Variants in PPFIA2 observed in about 807,000 individuals in gnomAD.
The protein encoded by PPFIA2 is liprin-alpha-2.
In PPFIA2, 46 loss-of-function variants were observed where a neutral mutation model predicts 175.5. The ratio of observed to expected loss-of-function variants is 0.26; its 90% CI spans 0.21 to 0.34. The LOEUF (loss-of-function observed/expected upper bound fraction) is 0.34. PPFIA2 is among the 10% of genes least tolerant of loss of function. The pLI, the probability that PPFIA2 is intolerant of heterozygous loss-of-function variation, is 1.00. For synonymous variants in PPFIA2, 568 were observed against 511.4 expected, an observed-to-expected ratio of 1.11 and a Z score of -1.49; for missense variants, 1,179 against 1,506.1, an observed-to-expected ratio of 0.78 and a Z score of 3.60.
chr12:81,602,399 T>G (rs2059886772), intron 4 of PPFIA2, among the ~76,000 whole-genome samples: 1 of 151,848 alleles, frequency 6.6e-6, no homozygotes. Context: ...AGATTTATTG[T>G]TGAGAAACTC....
intron 4 of PPFIA2, among the ~76,000 whole-genome samples, chr12:81,540,610 G>A (rs1260630297): frequency 1.3e-5 from 2 of 151,950 alleles, no homozygotes; most frequent in African/African-American, 2.4e-5. Context: ...CTCTTTAGGA[G>A]TTTAAAAAAT....
At chr12:81,678,502 T>C (rs1394704509) in intron 3 of PPFIA2, among the ~76,000 whole-genome samples, 2 of 151,894 alleles carry the variant, frequency 1.3e-5, no homozygotes, top group Non-Finnish European at 2.9e-5. Flanking sequence ...AATTTATTCA[T>C]GCATAGTCTA....
chr12:81,313,152 G>A (rs184821858), intron 22 of PPFIA2, among the ~76,000 whole-genome samples: 1 of 152,170 alleles, frequency 6.6e-6, no homozygotes, highest in East Asian at 1.9e-4. Context: ...TAGAGGCATT[G>A]AGAAAATATG....
At chr12:81,441,734 G>T (rs1473264137) in intron 6 of PPFIA2, among the ~76,000 whole-genome samples, 1 of 151,960 alleles carries the variant, frequency 6.6e-6, no homozygotes, top group East Asian at 1.9e-4. Flanking sequence ...TTCAACAGAC[G>T]TGTGATGTTT....
rs188006207 is a variant in PPFIA2 at position 81,724,087 on chromosome 12, G to C, written c.249+29886C>G. On this transcript the variant is annotated intron_variant, in intron 3 of 32. Coordinates refer to ENST00000549396, the MANE Select transcript of PPFIA2 (RefSeq NM_003625.5). ...AATATTCCCAATCATCTTTTGGCTT[G>C]GTTACAATGCTCTATCTCTAAATGT... Among the ~76,000 whole-genome samples the C allele has an allele frequency of 2.4e-3, 358 of 150,836 alleles. 2 individuals are homozygous for C. Among genetic ancestry groups the C allele is most frequent in the African/African-American group, 8.4e-3 (347 of 41,364 alleles).
intron 8 of PPFIA2, among the ~76,000 whole-genome samples, chr12:81,387,730 C>A (rs1257738534): frequency 6.6e-6 from 1 of 152,030 alleles, no homozygotes; most frequent in Non-Finnish European, 1.5e-5. Context: ...GTTATCATAC[C>A]TCAGTTATCT....
intron 3 of PPFIA2, among the ~76,000 whole-genome samples, chr12:81,744,696 G>C (rs536139074): frequency 6.6e-6 from 1 of 152,278 alleles, no homozygotes; most frequent in South Asian, 2.1e-4. Context: ...AAAGTGCTGG[G>C]ATTACAGGCA....
At chr12:81,502,001 A>G (rs556432771) in intron 4 of PPFIA2, among the ~76,000 whole-genome samples, 2 of 152,272 alleles carry the variant, frequency 1.3e-5, no homozygotes, top group African/African-American at 2.4e-5. Flanking sequence ...AGAAAAAGGG[A>G]CGTGCAGTTT....
intron 8 of PPFIA2, among the ~76,000 whole-genome samples, chr12:81,395,791 C>T (rs931209164): frequency 6.6e-6 from 1 of 152,034 alleles, no homozygotes; most frequent in Non-Finnish European, 1.5e-5. Flanking sequence ...CCTGCACAGT[C>T]TTTCCCCTTA....
At chr12:81,263,476 T>G (rs1438728733) in intron 30 of PPFIA2, 86 bp from the exon 31 acceptor site, 2 of 1,188,184 alleles carry the variant, frequency 1.7e-6, no homozygotes, top group East Asian at 4.8e-5. Flanking sequence ...ACATGTAACA[T>G]AGATTATTTA....
intron 7 of PPFIA2, among the ~76,000 whole-genome samples, chr12:81,423,866 T>A (rs978441559): frequency 6.6e-6 from 1 of 152,134 alleles, no homozygotes. Context: ...TTATAACTAA[T>A]ATCTATTTTA....
At chr12:81,322,702 A>T (rs1206940894) in intron 22 of PPFIA2, among the ~76,000 whole-genome samples, 1 of 152,170 alleles carries the variant, frequency 6.6e-6, no homozygotes, top group Admixed American at 6.6e-5. Context: ...TAGGCAGAGC[A>T]ACAATAGATT....
At chr12:81,375,593 T>G in intron 10 of PPFIA2, 1 of 593,350 alleles carries the variant, frequency 1.7e-6, no homozygotes, top group Middle Eastern at 4.5e-4. Context: ...AGTCATTATT[T>G]GTATTACTAT....
intron 17 of PPFIA2, among the ~76,000 whole-genome samples, chr12:81,352,347 G>T (rs2060158714): frequency 6.6e-6 from 1 of 151,084 alleles, no homozygotes; most frequent in Non-Finnish European, 1.5e-5. Context: ...TCCAGGAAAA[G>T]GGAAAGGTGG....
chr12:81,424,057 T>A (rs961484193), intron 7 of PPFIA2, among the ~76,000 whole-genome samples: 4 of 152,076 alleles, frequency 2.6e-5, no homozygotes, highest in African/African-American at 9.7e-5. Context: ...AACTTTAAAA[T>A]GTATTTTAAT....
At chr12:81,645,875 T>G (rs569725834) in intron 4 of PPFIA2, among the ~76,000 whole-genome samples, 164 of 152,360 alleles carry the variant, frequency 1.1e-3, no homozygotes, top group Non-Finnish European at 1.9e-3. Flanking sequence ...CAAGAGGGGT[T>G]CAGCTACTCC....
intron 4 of PPFIA2, among the ~76,000 whole-genome samples, chr12:81,619,393 T>G (rs1180210528): frequency 6.6e-6 from 1 of 152,152 alleles, no homozygotes; most frequent in Non-Finnish European, 1.5e-5. Flanking sequence ...GTAAGTATCG[T>G]TTTTTCTTCT....
chr12:81,356,333 C>T (rs1003686736), intron 16 of PPFIA2, among the ~76,000 whole-genome samples: 1 of 151,990 alleles, frequency 6.6e-6, no homozygotes, highest in South Asian at 2.1e-4. Context: ...CACAGATCAC[C>T]ATAACAGATA....
chr12:81,372,758 G>T (rs2035482028), intron 11 of PPFIA2, among the ~76,000 whole-genome samples: 1 of 151,554 alleles, frequency 6.6e-6, no homozygotes, highest in Admixed American at 6.6e-5. Flanking sequence ...TTTAAAATAT[G>T]TTGTTGACAA....
Sources: gnomAD v4.1 joint callset for allele counts (sites outside exome capture counted in the v4.1 genomes callset) on GRCh38, gnomAD v4.1.1 for gene constraint, MANE v1.5 for transcripts, NCBI Gene and HGNC (gene_info 2026-07-23, HGNC 2026-07-21) for gene names.